The following RBMS3 variants were observed in gnomAD, a reference collection of about 807,000 sequenced individuals.
RBMS3 encodes RNA binding motif single stranded interacting protein 3.
RBMS3 carries 27 observed loss-of-function variants against 66.8 expected under a neutral mutation model. The observed-to-expected ratio is 0.40, with a 90% CI of 0.30 to 0.56. The LOEUF is 0.56. Ranked by LOEUF, RBMS3 falls within the 20% of genes least tolerant of loss-of-function variation. The pLI is 0.40. For missense variants in RBMS3, 513 were observed against 549.5 expected (o/e 0.93, Z 0.66); for synonymous variants, 188 against 183.0 (o/e 1.03, Z -0.22).
chr3:29,467,928 T>C (rs2125791545), intron 2 of RBMS3, among the ~76,000 whole-genome samples: 1 of 152,332 alleles, frequency 6.6e-6, no homozygotes. Flanking sequence ...AAAAATATGA[T>C]ACTATTCACT....
chr3:29,960,225 C>A (rs903164584), intron 12 of RBMS3, among the ~76,000 whole-genome samples: 1 of 152,192 alleles, frequency 6.6e-6, no homozygotes, highest in Non-Finnish European at 1.5e-5. Context: ...ACCAAAGGGA[C>A]TACAGACCCC....
chr3:29,307,168 C>T (rs948105598), intron 1 of RBMS3, among the ~76,000 whole-genome samples: 1 of 151,902 alleles, frequency 6.6e-6, no homozygotes, highest in African/African-American at 2.4e-5. Context: ...ATCATTACTT[C>T]CCTCCACTGA....
intron 1 of RBMS3, among the ~76,000 whole-genome samples, chr3:29,348,873 A>C (rs1230699427): frequency 6.6e-6 from 1 of 152,140 alleles, no homozygotes; most frequent in African/African-American, 2.4e-5. Flanking sequence ...CCTCCAGCCC[A>C]AGTCTGCAGT....
At chr3:29,937,823 A>G (rs1049136018) in intron 11 of RBMS3, among the ~76,000 whole-genome samples, 1 of 151,976 alleles carries the variant, frequency 6.6e-6, no homozygotes, top group Non-Finnish European at 1.5e-5. Context: ...TGCGTTACTA[A>G]TAAGCAGGTC....
chr3:29,703,458 A>G (rs1212576214), intron 4 of RBMS3, among the ~76,000 whole-genome samples: 1 of 152,216 alleles, frequency 6.6e-6, no homozygotes, highest in South Asian at 2.1e-4. Context: ...TAAGGAGAAC[A>G]TCTGAATATC....
At chr3:29,716,418 T>G (rs1276685504) in intron 4 of RBMS3, among the ~76,000 whole-genome samples, 1 of 152,164 alleles carries the variant, frequency 6.6e-6, no homozygotes, top group African/African-American at 2.4e-5. Flanking sequence ...CAAGTCATCG[T>G]TTCTATGTTA....
At chr3:29,510,302 A>G (rs2044346694) in intron 3 of RBMS3, among the ~76,000 whole-genome samples, 1 of 152,156 alleles carries the variant, frequency 6.6e-6, no homozygotes, top group Non-Finnish European at 1.5e-5. Flanking sequence ...AAGACCAGTC[A>G]CTTTACTCTC....
intron 2 of RBMS3, among the ~76,000 whole-genome samples, chr3:29,453,936 G>A (rs759204603): frequency 3.3e-5 from 5 of 152,154 alleles, no homozygotes; most frequent in Non-Finnish European, 5.9e-5. Flanking sequence ...ATGAACTGGA[G>A]GAGGTGAGGG....
chr3:29,349,298 C>T (rs1265141512), intron 1 of RBMS3, among the ~76,000 whole-genome samples: 1 of 152,196 alleles, frequency 6.6e-6, no homozygotes, highest in South Asian at 2.1e-4. Flanking sequence ...TCTCTCTATT[C>T]CTCTGTAACC....
intron 1 of RBMS3, among the ~76,000 whole-genome samples, chr3:29,329,069 G>A (rs1174400759): frequency 6.6e-6 from 1 of 152,116 alleles, no homozygotes; most frequent in Non-Finnish European, 1.5e-5. Context: ...ACTCCGAAAT[G>A]TAAATTAAGG....
chr3:29,429,325 A>G (rs1400596531), intron 1 of RBMS3, among the ~76,000 whole-genome samples: 1 of 152,208 alleles, frequency 6.6e-6, no homozygotes, highest in Non-Finnish European at 1.5e-5. Context: ...ATGTTTCACA[A>G]TGGATGCCAA....
At chr3:29,652,512 G>A (rs1243366569) in intron 4 of RBMS3, among the ~76,000 whole-genome samples, 1 of 152,032 alleles carries the variant, frequency 6.6e-6, no homozygotes. Context: ...AGGCCCTCCT[G>A]CTAGTGATCT....
At chr3:29,873,895 A>G (rs1342759221) in intron 7 of RBMS3, among the ~76,000 whole-genome samples, 1 of 152,142 alleles carries the variant, frequency 6.6e-6, no homozygotes, top group Non-Finnish European at 1.5e-5. Context: ...GCATTTATTA[A>G]TTGTCATGTG....
chr3:29,857,228 A>G (rs2149528258), intron 6 of RBMS3, among the ~76,000 whole-genome samples: 1 of 152,286 alleles, frequency 6.6e-6, no homozygotes, highest in African/African-American at 2.4e-5. Flanking sequence ...CATGAAGGAA[A>G]TTGAGATGTG....
chr3:29,561,418 C>G (rs1480181592), intron 3 of RBMS3, among the ~76,000 whole-genome samples: 1 of 150,228 alleles, frequency 6.7e-6, no homozygotes, highest in Non-Finnish European at 1.5e-5. Context: ...ACAACCTTGC[C>G]AGCATCTGTT....
chr3:29,459,157 C>A (rs969918356), intron 2 of RBMS3, among the ~76,000 whole-genome samples: 2 of 152,176 alleles, frequency 1.3e-5, no homozygotes, highest in African/African-American at 2.4e-5. Context: ...ATGTGCAAGG[C>A]ACTTTCCAAG....
At chr3:29,636,685 C>G (rs556943984) in intron 4 of RBMS3, among the ~76,000 whole-genome samples, 1 of 151,986 alleles carries the variant, frequency 6.6e-6, no homozygotes, top group Admixed American at 6.6e-5. Context: ...GAAATACTTG[C>G]AATACTAGTG....
chr3:29,475,722 G>A (rs758145300), intron 2 of RBMS3, among the ~76,000 whole-genome samples: 3 of 152,180 alleles, frequency 2.0e-5, no homozygotes, highest in African/African-American at 7.2e-5. Context: ...GGATGTGATA[G>A]GTGCCTAAGT....
intron 12 of RBMS3, among the ~76,000 whole-genome samples, chr3:29,954,817 AC>A (rs1324856322): frequency 1.3e-5 from 2 of 151,986 alleles, no homozygotes; most frequent in Non-Finnish European, 2.9e-5. Context: ...AACACCTAGC[AC>A]TTCTCTTTCC....
Sources: gnomAD v4.1 joint callset for allele counts (sites outside exome capture counted in the v4.1 genomes callset) on GRCh38, gnomAD v4.1.1 for gene constraint, MANE v1.5 for transcripts, NCBI Gene and HGNC (gene_info 2026-07-23, HGNC 2026-07-21) for gene names.